The following FGF14 variants were observed in gnomAD, a reference collection of about 807,000 sequenced individuals.
FGF14 encodes the protein fibroblast growth factor 14, also known as fibroblast growth factor homologous factor 4.
In FGF14, 5 loss-of-function variants were observed where a neutral mutation model predicts 25.5. The observed-to-expected ratio is 0.20, with a 90% CI of 0.10 to 0.41. The LOEUF is 0.41. FGF14 is among the 10% of genes least tolerant of loss of function. The pLI is 1.00. For synonymous variants in FGF14, 138 were observed against 118.3 expected (o/e 1.17, Z -1.08); for missense variants, 222 against 320.1 (o/e 0.69, Z 2.34).
chr13:102,059,041 T>A (rs1278564946), intron 1 of FGF14, among the ~76,000 whole-genome samples: 1 of 152,022 alleles, frequency 6.6e-6, no homozygotes, highest in East Asian at 1.9e-4. Context: ...AAATAACAAG[T>A]TTTCCCAAAT....
chr13:102,307,050 C>A (rs1232255842), intron 1 of FGF14, among the ~76,000 whole-genome samples: 1 of 151,984 alleles, frequency 6.6e-6, no homozygotes, highest in Non-Finnish European at 1.5e-5. Context: ...TCATAGGAGG[C>A]CTTAAAAGTG....
intron 1 of FGF14, among the ~76,000 whole-genome samples, chr13:102,098,919 C>T (rs1283047863): frequency 6.6e-6 from 1 of 152,150 alleles, no homozygotes; most frequent in Non-Finnish European, 1.5e-5. Context: ...TTGAATCTAC[C>T]TTAAGATGTA....
chr13:101,740,656 A>C (rs61965124), intron 3 of FGF14, among the ~76,000 whole-genome samples: 43 of 151,384 alleles, frequency 2.8e-4, no homozygotes, highest in Non-Finnish European at 6.1e-4. Flanking sequence ...GCAGTTTTGT[A>C]TTCTTGGGCA....
At chr13:101,744,142 T>C (rs2036732313) in intron 3 of FGF14, among the ~76,000 whole-genome samples, 1 of 152,176 alleles carries the variant, frequency 6.6e-6, no homozygotes, top group African/African-American at 2.4e-5. Flanking sequence ...AAATGCACAC[T>C]AGGAATATAA....
intron 1 of FGF14, among the ~76,000 whole-genome samples, chr13:101,943,004 C>T (rs1594785270): frequency 1.3e-5 from 2 of 152,188 alleles, no homozygotes; most frequent in African/African-American, 4.8e-5. Flanking sequence ...CCACTTTCTG[C>T]CCTGCACAGC....
At chr13:102,042,789 C>T (rs1000327886) in intron 1 of FGF14, among the ~76,000 whole-genome samples, 5 of 152,180 alleles carry the variant, frequency 3.3e-5, no homozygotes, top group Admixed American at 3.3e-4. Context: ...GTGAGTGAGT[C>T]AATTTTATTC....
At chr13:102,334,607 G>A (rs1401149254) in intron 1 of FGF14, among the ~76,000 whole-genome samples, 2 of 152,122 alleles carry the variant, frequency 1.3e-5, no homozygotes, top group African/African-American at 4.8e-5. Flanking sequence ...ACAAAGAAAT[G>A]CCAATCACTA....
chr13:101,884,864 TACA>T (rs1290712484), intron 1 of FGF14, among the ~76,000 whole-genome samples: 103 of 148,258 alleles, frequency 6.9e-4, no homozygotes, highest in Middle Eastern at 3.5e-3. Flanking sequence ...CACAGACACA[TACA>T]TACACACACA....
At chr13:102,142,974 C>T (rs2046706373) in intron 1 of FGF14, among the ~76,000 whole-genome samples, 1 of 152,152 alleles carries the variant, frequency 6.6e-6, no homozygotes, top group Admixed American at 6.6e-5. Context: ...CTTCTATAAA[C>T]ATTTTGCTCT....
chr13:102,073,965 G>T (rs548070086), intron 1 of FGF14, among the ~76,000 whole-genome samples: 2 of 152,226 alleles, frequency 1.3e-5, no homozygotes, highest in Admixed American at 1.3e-4. Context: ...CTCTCTCTCT[G>T]CCCTTCCCAA....
intron 1 of FGF14, among the ~76,000 whole-genome samples, chr13:101,941,318 T>G (rs936742718): frequency 2.6e-5 from 4 of 152,232 alleles, no homozygotes; most frequent in Admixed American, 6.5e-5. Context: ...ACAGCAAGAT[T>G]CCACACTAGC....
At chr13:102,264,460 T>G (rs893652030) in intron 1 of FGF14, among the ~76,000 whole-genome samples, 6 of 152,172 alleles carry the variant, frequency 3.9e-5, no homozygotes, top group African/African-American at 1.2e-4. Flanking sequence ...ATCGTCTGTG[T>G]TTTTTCTAGT....
intron 1 of FGF14, among the ~76,000 whole-genome samples, chr13:102,048,018 T>TAAA (rs3066009): frequency 0.036 from 5,165 of 142,904 alleles, 281 homozygotes; most frequent in African/African-American, 0.13. Flanking sequence ...CTTAGTTGTT[T>TAAA]AAAAAAAAAA....
At chr13:102,053,817 G>A (rs964006791) in intron 1 of FGF14, among the ~76,000 whole-genome samples, 5 of 152,082 alleles carry the variant, frequency 3.3e-5, no homozygotes, top group African/African-American at 7.2e-5. Context: ...TATATAAAAA[G>A]TGAATAGAAC....
intron 1 of FGF14, among the ~76,000 whole-genome samples, chr13:101,925,439 A>C (rs539145852): frequency 2.0e-5 from 3 of 152,134 alleles, no homozygotes; most frequent in Non-Finnish European, 4.4e-5. Context: ...TGCAGGCTCT[A>C]ATCTCTGGGG....
At chr13:101,780,196 A>T (rs2039403202) in intron 3 of FGF14, among the ~76,000 whole-genome samples, 1 of 152,168 alleles carries the variant, frequency 6.6e-6, no homozygotes, top group Admixed American at 6.6e-5. Flanking sequence ...AAGGTTCCCC[A>T]CTTGTTGGAT....
At chr13:102,022,129 C>A (rs960182751) in intron 1 of FGF14, among the ~76,000 whole-genome samples, 1 of 152,008 alleles carries the variant, frequency 6.6e-6, no homozygotes, top group Non-Finnish European at 1.5e-5. Flanking sequence ...AGCACCCCCA[C>A]CCCCCTTACT....
At chr13:102,088,903 T>C (rs1038080157) in intron 1 of FGF14, among the ~76,000 whole-genome samples, 1 of 152,164 alleles carries the variant, frequency 6.6e-6, no homozygotes, top group African/African-American at 2.4e-5. Context: ...AGGTACATTC[T>C]TGATCCACAT....
chr13:102,303,479 A>G (rs947684722), intron 1 of FGF14, among the ~76,000 whole-genome samples: 1 of 152,246 alleles, frequency 6.6e-6, no homozygotes, highest in African/African-American at 2.4e-5. Flanking sequence ...AAGAATTGCC[A>G]AATGAATAAT....
Sources: allele counts gnomAD v4.1 joint callset (sites outside exome capture counted in the v4.1 genomes callset), GRCh38; gene constraint gnomAD v4.1.1; transcripts MANE v1.5; gene names NCBI Gene and HGNC (gene_info 2026-07-23, HGNC 2026-07-21).